Variants in COL21A1 observed in about 807,000 individuals in gnomAD.
COL21A1 encodes the protein collagen type XXI alpha 1 chain, also known as collagen alpha-1(XXI) chain.
COL21A1 carries 149 observed loss-of-function variants against 137.9 expected under a neutral mutation model. The ratio of observed to expected loss-of-function variants is 1.08; its 90% confidence interval spans 0.95 to 1.24. The LOEUF (loss-of-function observed/expected upper bound fraction) is 1.24. Among genes scored for constraint, COL21A1 ranks in the 50% most tolerant of loss-of-function variants. The pLI is 0.00. For missense variants in COL21A1, 1,167 were observed against 1,158.4 expected (o/e 1.01, Z -0.11); for synonymous variants, 456 against 391.5 (o/e 1.16, Z -1.95).
At chr6:56,097,040 A>T (rs929520736) in intron 17 of COL21A1, among the ~76,000 whole-genome samples, 1 of 152,146 alleles carries the variant, frequency 6.6e-6, no homozygotes, top group Non-Finnish European at 1.5e-5. Flanking sequence ...TTGTTACGCT[A>T]TCTGTTCTTA....
At chr6:56,322,774 C>T (rs549591686) in intron 1 of COL21A1, among the ~76,000 whole-genome samples, 1 of 150,792 alleles carries the variant, frequency 6.6e-6, no homozygotes, top group South Asian at 2.1e-4. Flanking sequence ...AGGTTTAATC[C>T]TTTATTTGTG....
At chr6:56,068,373 T>C (rs1766442602) in intron 22 of COL21A1, among the ~76,000 whole-genome samples, 1 of 151,612 alleles carries the variant, frequency 6.6e-6, no homozygotes, top group Non-Finnish European at 1.5e-5. Flanking sequence ...TGCAGTAGCA[T>C]GGACTTCTCA....
chr6:56,064,477 C>A, intron 24 of COL21A1, 101 bp downstream of exon 24: 2 of 777,136 alleles, frequency 2.6e-6, no homozygotes, highest in Non-Finnish European at 2.2e-6. Context: ...CTATATTGTC[C>A]TTCTCCCCAC....
At chr6:56,133,743 G>A (rs1046436244) in intron 12 of COL21A1, among the ~76,000 whole-genome samples, 3 of 152,178 alleles carry the variant, frequency 2.0e-5, no homozygotes, top group African/African-American at 7.2e-5. Context: ...CTACGTTCTA[G>A]CCACTCCAGC....
intron 1 of COL21A1, among the ~76,000 whole-genome samples, chr6:56,218,913 A>G (rs976593320): frequency 3.9e-5 from 6 of 152,110 alleles, no homozygotes; most frequent in Non-Finnish European, 1.5e-5. Flanking sequence ...TAATCCTCTT[A>G]TAACTACATG....
intron 1 of COL21A1, among the ~76,000 whole-genome samples, chr6:56,383,434 G>GCAAGA: frequency 6.6e-6 from 1 of 152,306 alleles, no homozygotes; most frequent in African/African-American, 2.4e-5. Flanking sequence ...TTTCTTAGGT[G>GCAAGA]ACTGGATGAT....
At chr6:56,223,594 G>A (rs57493843) in intron 1 of COL21A1, among the ~76,000 whole-genome samples, 3,818 of 152,038 alleles carry the variant, frequency 0.025, 154 homozygotes, top group African/African-American at 0.088. Context: ...TGTTTCTTAT[G>A]ATAATTACAG....
At chr6:56,245,354 T>C (rs1449631479) in intron 1 of COL21A1, among the ~76,000 whole-genome samples, 1 of 152,212 alleles carries the variant, frequency 6.6e-6, no homozygotes, top group African/African-American at 2.4e-5. Flanking sequence ...TTGAAGCTAA[T>C]CTAAAACTTT....
chr6:56,080,996 C>T (rs1318036650), intron 17 of COL21A1, among the ~76,000 whole-genome samples: 1 of 151,834 alleles, frequency 6.6e-6, no homozygotes, highest in Non-Finnish European at 1.5e-5. Flanking sequence ...GTTATTTAAA[C>T]TGTAAAATCT....
chr6:56,325,575 TAA>T (rs1377495688), intron 1 of COL21A1, among the ~76,000 whole-genome samples: 1 of 36,866 alleles, frequency 2.7e-5, no homozygotes, highest in African/African-American at 9.3e-5. Flanking sequence ...ATATTATCTA[TAA>T]TATATATCTA....
chr6:56,118,003 A>T, intron 16 of COL21A1, among the ~76,000 whole-genome samples: 1 of 151,978 alleles, frequency 6.6e-6, no homozygotes. Flanking sequence ...CAAATAAGCA[A>T]TCTAACAATT....
chr6:56,238,081 T>C (rs1782029718), intron 1 of COL21A1, among the ~76,000 whole-genome samples: 1 of 152,122 alleles, frequency 6.6e-6, no homozygotes, highest in Non-Finnish European at 1.5e-5. Context: ...ATATTCCAAT[T>C]ATTAGCCTTC....
chr6:56,094,948 C>G (rs1184372856), intron 17 of COL21A1, among the ~76,000 whole-genome samples: 1 of 152,138 alleles, frequency 6.6e-6, no homozygotes, highest in Admixed American at 6.5e-5. Context: ...TTAATCATTT[C>G]TACAAAGACC....
chr6:56,099,183 A>G (rs1770195705), intron 17 of COL21A1, among the ~76,000 whole-genome samples: 2 of 151,514 alleles, frequency 1.3e-5, no homozygotes, highest in South Asian at 4.2e-4. Context: ...CAGATTCCAA[A>G]TAACTAACTC....
intron 1 of COL21A1, among the ~76,000 whole-genome samples, chr6:56,322,409 C>T (rs911833636): frequency 1.2e-4 from 18 of 152,082 alleles, no homozygotes; most frequent in African/African-American, 4.3e-4. Flanking sequence ...CAACTTTTTG[C>T]AGGGAAAACA....
At chr6:56,106,846 G>A (rs1037140530) in intron 16 of COL21A1, among the ~76,000 whole-genome samples, 10 of 152,022 alleles carry the variant, frequency 6.6e-5, no homozygotes, top group African/African-American at 2.2e-4. Context: ...GAGTGCAGTG[G>A]CGCCATCTCG....
At chr6:56,163,945 T>G (rs1776379605) in intron 9 of COL21A1, among the ~76,000 whole-genome samples, 1 of 152,022 alleles carries the variant, frequency 6.6e-6, no homozygotes, top group Admixed American at 6.6e-5. Flanking sequence ...TTAAGTGAAA[T>G]AAATGTATGT....
chr6:56,164,449 C>T lies in COL21A1; in HGVS notation c.1345G>A (p.Gly449Arg), dbSNP rs1397639910. The change falls in exon 9 of 30, where the codon GGA becomes AGA. Residue 449 changes from glycine (G) to arginine (R), a missense_variant. Physicochemically the swap from Gly to Arg is moderately radical, Grantham distance 125. Transcript: ENST00000244728. ...TTGGGGCCTTGAAGTCCTGGTTTTC[C>T]CGGAGGACAAATACAGGGAGCTGGA... ...STPAPCICPP[G>R]KPGLQGPKGD... 1 of 1,588,762 alleles carries T rather than the reference C, an allele frequency of 6.3e-7. No homozygotes were observed. The highest frequency in any genetic ancestry group is 8.6e-7 in the Non-Finnish European group (1 of 1,166,512).
intron 1 of COL21A1, among the ~76,000 whole-genome samples, chr6:56,381,330 C>G (rs551951783): frequency 1.3e-5 from 2 of 152,206 alleles, no homozygotes; most frequent in East Asian, 3.9e-4. Flanking sequence ...GAATAGACAC[C>G]TAAATTCAGA....
Sources: allele counts gnomAD v4.1 joint callset (sites outside exome capture counted in the v4.1 genomes callset), GRCh38; gene constraint gnomAD v4.1.1; transcripts MANE v1.5; gene names NCBI Gene and HGNC (gene_info 2026-07-23, HGNC 2026-07-21).